Variants in CNTN5 observed in about 807,000 individuals in gnomAD.
The protein encoded by CNTN5 is contactin-5.
In CNTN5, 77 loss-of-function variants were observed where a neutral mutation model predicts 129.1. The ratio of observed to expected loss-of-function variants is 0.60; its 90% CI spans 0.50 to 0.72. CNTN5 has a LOEUF of 0.72. Among genes scored for constraint, CNTN5 ranks in the 30% least tolerant of loss-of-function variants. The pLI, the probability that CNTN5 is intolerant of heterozygous loss-of-function variation, is 0.00. For synonymous variants in CNTN5, 509 were observed against 465.6 expected (o/e 1.09, Z -1.20); for missense variants, 1,478 against 1,328.8 (o/e 1.11, Z -1.75).
At chr11:99,256,745 A>T (rs1862394535) in intron 1 of CNTN5, among the ~76,000 whole-genome samples, 1 of 152,092 alleles carries the variant, frequency 6.6e-6, no homozygotes, top group South Asian at 2.1e-4. Flanking sequence ...AACTACATAG[A>T]TAATATAAAC....
intron 3 of CNTN5, among the ~76,000 whole-genome samples, chr11:99,648,563 C>T (rs1309157327): frequency 6.6e-6 from 1 of 151,794 alleles, no homozygotes; most frequent in African/African-American, 2.4e-5. Context: ...AATCCTACTA[C>T]TGGATATTTA....
intron 18 of CNTN5, among the ~76,000 whole-genome samples, chr11:100,295,536 CAAT>C (rs1951083802): frequency 6.6e-6 from 1 of 151,108 alleles, no homozygotes; most frequent in East Asian, 1.9e-4. Flanking sequence ...GGATGTGAAA[CAAT>C]ACTACCAAAG....
intron 2 of CNTN5, among the ~76,000 whole-genome samples, chr11:99,462,700 A>T (rs780844197): frequency 4.9e-4 from 74 of 152,146 alleles, no homozygotes; most frequent in Non-Finnish European, 4.7e-4. Flanking sequence ...TGAAACCTAT[A>T]CTGTAATTGT....
intron 6 of CNTN5, among the ~76,000 whole-genome samples, chr11:99,872,238 A>C (rs1354862844): frequency 6.6e-6 from 1 of 151,978 alleles, no homozygotes; most frequent in Non-Finnish European, 1.5e-5. Context: ...CTATGAAATG[A>C]AAAAAAATTT....
intron 1 of CNTN5, among the ~76,000 whole-genome samples, chr11:99,227,054 A>G (rs1565418580): frequency 6.6e-6 from 1 of 152,114 alleles, no homozygotes; most frequent in Non-Finnish European, 1.5e-5. Flanking sequence ...TTACTGCAAA[A>G]CAGCTCTTAA....
chr11:99,540,388 C>T (rs933946737), intron 2 of CNTN5, among the ~76,000 whole-genome samples: 10 of 152,162 alleles, frequency 6.6e-5, no homozygotes, highest in East Asian at 5.8e-4. Context: ...TAACAATGCA[C>T]GGCATTTTGC....
At chr11:100,092,855 T>C (rs916779099) in intron 13 of CNTN5, among the ~76,000 whole-genome samples, 4 of 148,988 alleles carry the variant, frequency 2.7e-5, no homozygotes, top group Admixed American at 2.6e-4. Flanking sequence ...CTTTTCTCTT[T>C]GAGTTGGTTG....
At chr11:99,560,425 G>C (rs893468637) in intron 3 of CNTN5, among the ~76,000 whole-genome samples, 12 of 151,840 alleles carry the variant, frequency 7.9e-5, no homozygotes, top group African/African-American at 2.9e-4. Context: ...CCGAGTAGCT[G>C]GGATTACAGA....
chr11:99,064,865 C>A (rs1287031717), intron 1 of CNTN5, among the ~76,000 whole-genome samples: 1 of 151,924 alleles, frequency 6.6e-6, no homozygotes, highest in African/African-American at 2.4e-5. Flanking sequence ...AATTACCTTA[C>A]AATTTTGGGA....
intron 4 of CNTN5, among the ~76,000 whole-genome samples, chr11:99,825,187 A>G (rs1474429151): frequency 6.6e-6 from 1 of 152,016 alleles, no homozygotes; most frequent in Non-Finnish European, 1.5e-5. Flanking sequence ...AGTAGCCAGT[A>G]TCTGCCAGAC....
intron 9 of CNTN5, among the ~76,000 whole-genome samples, chr11:100,004,732 G>A (rs1348917598): frequency 6.6e-6 from 1 of 152,148 alleles, no homozygotes; most frequent in East Asian, 1.9e-4. Context: ...GAGCAAGTGG[G>A]AGGAGATGGT....
chr11:99,295,136 G>A lies in CNTN5; in HGVS notation c.-209-30210G>A, dbSNP rs1163561345. Among the ~76,000 whole-genome samples the A allele has an allele frequency of 2.0e-5, 3 of 152,068 alleles. No homozygotes were observed. In the East Asian group the frequency reaches 5.8e-4, roughly 29 times the overall value. ...CCTTTGAGAGAATACAGTGCACCAG[G>A]GAAATGACCAAGAGTTTAGAGTATG... On this transcript the variant is annotated intron_variant, in intron 1 of 24. Transcript: ENST00000524871.
chr11:99,715,089 T>C (rs1320149654), intron 3 of CNTN5, among the ~76,000 whole-genome samples: 3 of 151,956 alleles, frequency 2.0e-5, no homozygotes. Flanking sequence ...AAAACACTTT[T>C]TGTGACGTGT....
rs552046090 is a variant in CNTN5, at chr11:99,897,867, A to G, written c.578-18187A>G. On this transcript the variant is annotated intron_variant, in intron 6 of 24. Transcript: ENST00000524871. ...GTAGTGGCAAATTGGATAAATAAAT[A>G]AGATCTAATGATCTGCTGTCTTCAG... is the stretch of plus-strand genomic sequence containing the variant. Among the ~76,000 whole-genome samples the G allele has an allele frequency of 2.6e-5, 4 of 152,330 alleles. No individual in the cohort carries two copies. In the South Asian group the frequency reaches 8.3e-4, roughly 32 times the overall value.
chr11:100,298,972 T>C (rs527256695), intron 19 of CNTN5, among the ~76,000 whole-genome samples, 190 bp from the exon 20 acceptor site: 70 of 151,596 alleles, frequency 4.6e-4, no homozygotes, highest in African/African-American at 1.7e-3. Flanking sequence ...TTTCTTCTTT[T>C]ACCTTTAAAG....
chr11:100,213,057 A>T (rs1949064811), intron 15 of CNTN5, among the ~76,000 whole-genome samples: 1 of 152,092 alleles, frequency 6.6e-6, no homozygotes, highest in African/African-American at 2.4e-5. Flanking sequence ...ATAATAAAAG[A>T]TTCCTGTAAA....
At chr11:99,228,370 T>C (rs1267301530) in intron 1 of CNTN5, among the ~76,000 whole-genome samples, 3 of 152,078 alleles carry the variant, frequency 2.0e-5, no homozygotes, top group Non-Finnish European at 4.4e-5. Context: ...GAAAGATTGG[T>C]TAACAGGTAC....
intron 1 of CNTN5, among the ~76,000 whole-genome samples, chr11:99,131,470 G>A (rs926712869): frequency 6.6e-6 from 1 of 151,672 alleles, no homozygotes; most frequent in South Asian, 2.1e-4. Context: ...TACCGGAACT[G>A]GTTTTTTGAA....
chr11:99,854,144 A>G (rs761285618), intron 6 of CNTN5, among the ~76,000 whole-genome samples: 10 of 152,046 alleles, frequency 6.6e-5, no homozygotes, highest in Non-Finnish European at 1.5e-4. Flanking sequence ...AAACCATTCT[A>G]TTTCATATAA....
Sources: allele counts gnomAD v4.1 joint callset (sites outside exome capture counted in the v4.1 genomes callset), GRCh38; gene constraint gnomAD v4.1.1; transcripts MANE v1.5; gene names NCBI Gene and HGNC (gene_info 2026-07-23, HGNC 2026-07-21).